COMMD1: variants seen among roughly 807,000 people sequenced by gnomAD.
The protein encoded by COMMD1 is copper metabolism domain containing 1, also known as COMM domain-containing protein 1.
Under a neutral mutation model 17.2 loss-of-function variants are expected in COMMD1, and 10 were observed. The ratio of observed to expected loss-of-function variants is 0.58; its 90% confidence interval spans 0.36 to 0.99. COMMD1 has a LOEUF of 0.99. Ranked by LOEUF, COMMD1 falls within the 50% of genes least tolerant of loss-of-function variation. COMMD1 has a pLI of 0.01. For missense variants in COMMD1, 270 were observed against 231.8 expected (o/e 1.17, Z -1.07); for synonymous variants, 97 against 91.6 (o/e 1.06, Z -0.34).
At chr2:62,030,227 G>T (rs79605211) in intron 2 of COMMD1, among the ~76,000 whole-genome samples, 3,088 of 152,254 alleles carry the variant, frequency 0.02, 68 homozygotes, top group African/African-American at 0.049. Context: ...TTTATGGCCA[G>T]TTTTTACACA....
At chr2:62,031,708 A>G (rs142072367) in intron 2 of COMMD1, among the ~76,000 whole-genome samples, 14 of 152,196 alleles carry the variant, frequency 9.2e-5, no homozygotes, top group Non-Finnish European at 1.6e-4. Context: ...CATGAATTTC[A>G]TTTTGAAGAC....
At chr2:61,933,326 A>G (rs1157755128) in intron 1 of COMMD1, among the ~76,000 whole-genome samples, 1 of 151,584 alleles carries the variant, frequency 6.6e-6, no homozygotes, top group Non-Finnish European at 1.5e-5. Flanking sequence ...TGGTATCCCT[A>G]ACACTCAGCT....
At chr2:62,048,505 C>G (rs370622169) in intron 2 of COMMD1, among the ~76,000 whole-genome samples, 2 of 151,942 alleles carry the variant, frequency 1.3e-5, no homozygotes, top group South Asian at 2.1e-4. Context: ...AATTTCAGTA[C>G]TTGAATTGCT....
chr2:62,111,348 A>T (rs1439437055), intron 2 of COMMD1, among the ~76,000 whole-genome samples: 1 of 152,230 alleles, frequency 6.6e-6, no homozygotes, highest in Non-Finnish European at 1.5e-5. Flanking sequence ...AGGCTTCAGA[A>T]TGAAGATCCC....
chr2:61,912,602 G>C (rs1356005960), intron 1 of COMMD1, among the ~76,000 whole-genome samples: 1 of 152,116 alleles, frequency 6.6e-6, no homozygotes, highest in Non-Finnish European at 1.5e-5. Context: ...GGGTGTGGTG[G>C]CATGTGCTTG....
intron 1 of COMMD1, among the ~76,000 whole-genome samples, chr2:61,922,776 C>T (rs1670231787): frequency 6.6e-6 from 1 of 152,130 alleles, no homozygotes; most frequent in Non-Finnish European, 1.5e-5. Context: ...AGGCTTCTGG[C>T]CAAAGATTGT....
intron 1 of COMMD1, among the ~76,000 whole-genome samples, chr2:61,891,270 A>T: frequency 6.6e-6 from 1 of 152,198 alleles, no homozygotes; most frequent in East Asian, 1.9e-4. Context: ...TAAAGTTTTG[A>T]GACATGCTTT....
chr2:62,110,608 C>A (rs565238779), intron 2 of COMMD1, among the ~76,000 whole-genome samples: 1 of 151,972 alleles, frequency 6.6e-6, no homozygotes, highest in Non-Finnish European at 1.5e-5. Context: ...GGACACTGAC[C>A]CTGAGCTACA....
chr2:62,051,260 T>A (rs1376658866), intron 2 of COMMD1, among the ~76,000 whole-genome samples: 2 of 152,204 alleles, frequency 1.3e-5, no homozygotes, highest in Non-Finnish European at 1.5e-5. Context: ...GAGGGGTTAC[T>A]ATTATTATTT....
Position 61,937,543 on chromosome 2 carries a change from G to A in COMMD1, c.180+31685G>A, listed in dbSNP as rs1670635865. ...CCTAAGCCAGATAGGAATAGACATG[G>A]ACAGGCATTCATTACCCCTTATAAT... On this transcript the variant is annotated intron_variant, in intron 1 of 2. Transcript: ENST00000311832. Among the ~76,000 whole-genome samples the A allele has an allele frequency of 3.3e-5, 5 of 152,160 alleles. No homozygotes were observed. In the South Asian group the frequency reaches 1.0e-3, roughly 32 times the overall value.
intron 1 of COMMD1, among the ~76,000 whole-genome samples, chr2:61,976,130 T>C (rs561628413): frequency 6.6e-6 from 1 of 151,924 alleles, no homozygotes; most frequent in South Asian, 2.1e-4. Flanking sequence ...TCATATGTTT[T>C]ATACCAGTTA....
intron 1 of COMMD1, among the ~76,000 whole-genome samples, chr2:61,964,575 C>T (rs1479776952): frequency 6.6e-6 from 1 of 152,100 alleles, no homozygotes; most frequent in East Asian, 1.9e-4. Flanking sequence ...TGGCTAACGC[C>T]TGTAATCCCA....
chr2:61,990,892 AT>A (rs1318808601), intron 1 of COMMD1, among the ~76,000 whole-genome samples: 124 of 98,548 alleles, frequency 1.3e-3, no homozygotes, highest in East Asian at 4.1e-3. Context: ...AAAAAAAAAA[AT>A]ATATATATAT....
intron 1 of COMMD1, among the ~76,000 whole-genome samples, chr2:61,920,978 T>A (rs1670176605): frequency 7.3e-6 from 1 of 136,234 alleles, no homozygotes; most frequent in African/African-American, 2.9e-5. Flanking sequence ...TATATATATA[T>A]ATATTTTTTT....
At chr2:62,081,654 T>C (rs1475101514) in intron 2 of COMMD1, among the ~76,000 whole-genome samples, 4 of 152,186 alleles carry the variant, frequency 2.6e-5, no homozygotes, top group Non-Finnish European at 4.4e-5. Context: ...GCTATCTAGA[T>C]TTCCTCTTAG....
At chr2:61,962,310 C>T (rs1050101495) in intron 1 of COMMD1, among the ~76,000 whole-genome samples, 2 of 152,130 alleles carry the variant, frequency 1.3e-5, no homozygotes, top group Non-Finnish European at 2.9e-5. Context: ...GCCCCTGGTT[C>T]CTAGGACAGA....
At chr2:61,892,887 A>G (rs1669466996) in intron 1 of COMMD1, among the ~76,000 whole-genome samples, 1 of 151,584 alleles carries the variant, frequency 6.6e-6, no homozygotes, top group African/African-American at 2.4e-5. Flanking sequence ...TTCCCCCCTG[A>G]AACGGAGTCT....
At chr2:61,943,727 C>T (rs548259322) in intron 1 of COMMD1, among the ~76,000 whole-genome samples, 7 of 152,126 alleles carry the variant, frequency 4.6e-5, no homozygotes, top group East Asian at 3.9e-4. Flanking sequence ...CCCAGCTACT[C>T]GGGAGGCTTG....
At chr2:61,977,335 C>T (rs1191984567) in intron 1 of COMMD1, among the ~76,000 whole-genome samples, 1 of 149,276 alleles carries the variant, frequency 6.7e-6, no homozygotes, top group African/African-American at 2.5e-5. Context: ...ACCTCCGCCT[C>T]CTGGGTTCAA....
Sources: allele counts gnomAD v4.1 joint callset (sites outside exome capture counted in the v4.1 genomes callset), GRCh38; gene constraint gnomAD v4.1.1; transcripts MANE v1.5; gene names NCBI Gene and HGNC (gene_info 2026-07-23, HGNC 2026-07-21).